Variants in METTL23 observed in about 807,000 individuals in gnomAD.
The protein encoded by METTL23 is methyltransferase 23, arginine, also known as histone-arginine methyltransferase METTL23.
In METTL23, 24 loss-of-function variants were observed where a neutral mutation model predicts 21.2. The ratio of observed to expected loss-of-function variants is 1.13; its 90% confidence interval spans 0.82 to 1.59. The LOEUF (loss-of-function observed/expected upper bound fraction) is 1.59, where lower values mean the gene tolerates loss of function less well. Among genes scored for constraint, METTL23 ranks in the 40% most tolerant of loss-of-function variants. The probability of loss-of-function intolerance (pLI) is 0.00; values close to 1 mark genes in which losing one functional copy is unlikely to be tolerated. For missense variants in METTL23, 276 were observed against 221.4 expected (o/e 1.25, Z -1.57); for synonymous variants, 97 against 75.2 (o/e 1.29, Z -1.50).
At position 76,726,988 on chromosome 17, in the gene METTL23, C is replaced by T. The variant is rs771264210; in HGVS notation, c.-212C>T. The T allele has an allele frequency of 1.9e-4, 85 of 456,468 alleles. No individual in the cohort carries two copies. The highest frequency in any genetic ancestry group is 1.3e-3 in the South Asian group (84 of 64,562). 28.3% of individuals were successfully genotyped at this position (456,468 alleles called of 1,614,324 possible). A position where few individuals can be genotyped will look rare whatever the true frequency, so the allele number is the denominator to read the frequency against. Reference sequence around the variant, plus strand: ...CCGTCAGGTGCTACGGCCACGTGGCCCGCGGCTTCCCGCTCGCGCAGTCTG... The same window carrying T: ...CCGTCAGGTGCTACGGCCACGTGGCTCGCGGCTTCCCGCTCGCGCAGTCTG... On this transcript the variant is annotated 5_prime_UTR_variant, in exon 1 of 5. Transcript: ENST00000341249.
chr17:76,732,312 C>G (rs997339560), intron 2 of METTL23, among the ~76,000 whole-genome samples: 10 of 152,106 alleles, frequency 6.6e-5, no homozygotes, highest in African/African-American at 2.2e-4. Flanking sequence ...CCAGCCTGAC[C>G]AACAGGGAGA....
Position 76,733,046 on chromosome 17 carries a change from C to T in METTL23, c.153C>T (p.Asp51=). The change falls in exon 3 of 5, where the codon GAC becomes GAT. Residue 51 remains aspartate (D), a synonymous_variant. Coordinates refer to ENST00000341249, the MANE Select transcript of METTL23 (RefSeq NM_001080510.5). ...AKCGAEVILS[D]SSELPHCLEV... The stretch of plus-strand genomic sequence containing the variant: ...GTGGTGCAGAAGTAATACTGTCAGA[C>T]AGCTCAGAACTGCCTCACTGTCTGG... 1 of 1,603,172 alleles carries T rather than the reference C, an allele frequency of 6.2e-7. No homozygotes were observed. Among genetic ancestry groups the T allele is most frequent in the Non-Finnish European group, 8.5e-7 (1 of 1,174,242 alleles).
At chr17:76,728,110 C>T (rs1418754967) in intron 1 of METTL23, among the ~76,000 whole-genome samples, 1 of 152,064 alleles carries the variant, frequency 6.6e-6, no homozygotes, top group Non-Finnish European at 1.5e-5. Context: ...GTGGCTTGTG[C>T]CTGTAGCCCC....
At chr17:76,730,391 C>T (rs1598404055) in intron 2 of METTL23, among the ~76,000 whole-genome samples, 1 of 151,948 alleles carries the variant, frequency 6.6e-6, no homozygotes, top group Non-Finnish European at 1.5e-5. Flanking sequence ...TGACTTGAGC[C>T]CAGGAGTTTG....
upstream of METTL23, chr17:76,726,350 C>T (rs1450634619): frequency 6.3e-6 from 10 of 1,582,588 alleles, no homozygotes; most frequent in South Asian, 1.1e-5. Flanking sequence ...CGCTCACCGC[C>T]ACGGCCGCCG....
In METTL23 at chr17:76,733,335, A is replaced by G. The variant is rs1350020670; in HGVS notation, c.365A>G (p.Lys122Arg). 2 of 1,614,018 alleles carry G rather than the reference A, an allele frequency of 1.2e-6. No homozygotes were observed. Among genetic ancestry groups the G allele is most frequent in the African/African-American group, 1.3e-5 (1 of 75,046 alleles). ...ILATIYFLMHKNPKVQLWSTY... is the reference protein window; with the variant it reads ...ILATIYFLMHRNPKVQLWSTY... The stretch of plus-strand genomic sequence containing the variant: ...GCTACAATATATTTTTTGATGCACA[A>G]GAATCCCAAGGTCCAATTGTGGTCT... The change falls in exon 4 of 5, where the codon AAG (lysine) becomes AGG (arginine). Residue 122 changes from lysine to arginine, a missense_variant. Transcript: ENST00000341249.
upstream of METTL23, chr17:76,726,472 T>A (rs1437518719): frequency 6.3e-7 from 1 of 1,598,620 alleles, no homozygotes; most frequent in Non-Finnish European, 8.5e-7. Context: ...CTCTTGTGGT[T>A]CATTCTGCGG....
In METTL23 at chr17:76,733,059, CCTCA is replaced by C. The variant is rs587777644; in HGVS notation, c.169_172del (p.His57ValfsTer11). On this transcript the variant is annotated frameshift_variant, in exon 3 of 5. Transcript: ENST00000341249. LOFTEE classifies it high-confidence loss of function. ...AATACTGTCAGACAGCTCAGAACTG[CCTCA>C]CTGTCTGGAAGTCTGTCGGCAAAGC... 151 of 1,606,446 alleles carry C rather than the reference CCTCA, an allele frequency of 9.4e-5. No homozygotes were observed. The highest frequency in any genetic ancestry group is 2.9e-4 in the African/African-American group (22 of 74,860).
At chr17:76,732,706 G>A in intron 2 of METTL23, 1 of 491,996 alleles carries the variant, frequency 2.0e-6, no homozygotes, top group South Asian at 2.3e-5. Flanking sequence ...CTACTTCTGT[G>A]TGCATAGCAA....
intron 1 of METTL23, 44 bp downstream of exon 1, chr17:76,727,222 C>T (rs1285186493): frequency 2.8e-6 from 1 of 360,604 alleles, no homozygotes; most frequent in East Asian, 7.6e-5. Flanking sequence ...AGGTCAGGAG[C>T]GGATGTCGGC....
rs1025412401 is a variant in METTL23, at chr17:76,733,796, C to T, written c.*110C>T. 1.0e-6 allele frequency: 1 copy of T among 955,742 alleles called. No individual in the cohort carries two copies. The highest frequency in any genetic ancestry group is 1.6e-5 in the African/African-American group (1 of 60,730). The allele number at this position is 955,742 out of a possible 1,614,324, so 59.2% of individuals were successfully genotyped here. On this transcript the variant is annotated 3_prime_UTR_variant, in exon 5 of 5. Coordinates refer to ENST00000341249, the MANE Select transcript of METTL23 (RefSeq NM_001080510.5). ...AGAATGCAGTGGGTCTGAAGATGGT[C>T]AAGTCTGTTTGCCTTAGATTTTGAT...
Position 76,727,183 on chromosome 17 carries a change from G to C in METTL23, c.-22+5G>C. On this transcript the variant is annotated splice_donor_5th_base_variant and intron_variant, in intron 1 of 4. Coordinates refer to ENST00000341249, the MANE Select transcript of METTL23 (RefSeq NM_001080510.5). ...CTGGAGGTCCACGTCCCGCAGGTGC[G>C]TGCAGCAGCACCCGCCAGGAGGCGC... The C allele has an allele frequency of 2.5e-6, 1 of 406,304 alleles. No homozygotes were observed. The highest frequency in any genetic ancestry group is 5.0e-6 in the Non-Finnish European group (1 of 201,102). 25.2% of individuals were successfully genotyped at this position (406,304 alleles called of 1,614,324 possible). A position where few individuals can be genotyped will look rare whatever the true frequency, so the allele number is the denominator to read the frequency against.
Position 76,726,885 on chromosome 17 carries a change from T to G in METTL23, c.-315T>G, listed in dbSNP as rs1295740729. ...CCGTTGCCAGTTCTGCGCGTGTGAG[T>G]CTCTTTCGCCTTGCTCCGGGCTTTC... On this transcript the variant is annotated 5_prime_UTR_variant, in exon 1 of 5. Coordinates refer to ENST00000341249, the MANE Select transcript of METTL23 (RefSeq NM_001080510.5). The G allele has an allele frequency of 2.3e-6, 1 of 444,122 alleles. No individual in the cohort carries two copies. The highest frequency in any genetic ancestry group is 1.6e-5 in the South Asian group (1 of 64,180). The allele number at this position is 444,122 out of a possible 1,614,324, so 27.5% of individuals were successfully genotyped here.
chr17:76,733,670 C>G lies in METTL23; in HGVS notation c.557C>G (p.Ala186Gly). 6.2e-7 allele frequency: 1 copy of G among 1,613,054 alleles called. No homozygotes were observed. The highest frequency in any genetic ancestry group is 8.5e-7 in the Non-Finnish European group (1 of 1,179,536). The part of the protein sequence containing the change: ...HTVEMLVISF[A>G]KDSL Reference sequence around the variant, plus strand: ...GTTGAAATGCTGGTCATTTCCTTTGCAAAGGACAGTCTCTGAATTATACCT... The same window carrying G: ...GTTGAAATGCTGGTCATTTCCTTTGGAAAGGACAGTCTCTGAATTATACCT... Residue 186 changes from alanine (A) to glycine (G), a missense_variant, in exon 5 of 5, where the codon GCA becomes GGA. Transcript: ENST00000341249.
intron 2 of METTL23, 188 bp from the exon 3 acceptor site, chr17:76,732,790 G>A (rs1220151998): frequency 3.3e-6 from 2 of 608,880 alleles, no homozygotes; most frequent in East Asian, 5.5e-5. Flanking sequence ...TAGCAGAGTA[G>A]ATTCATAAGG....
At chr17:76,733,416 A>T in intron 4 of METTL23, 39 bp downstream of exon 4, 2 of 1,606,824 alleles carry the variant, frequency 1.2e-6, no homozygotes, top group East Asian at 2.2e-5. Flanking sequence ...ATGTAACTTA[A>T]GCCTTACTCT....
At position 76,727,058 on chromosome 17, in the gene METTL23, C is replaced by A. The variant is rs759989544; in HGVS notation, c.-142C>A. ...GGTCCCCCGCCCGCCCGGGGCCCAACGACGCCCTACTGGGCGAGCACGATT... is the reference window on the plus strand; with the variant it reads ...GGTCCCCCGCCCGCCCGGGGCCCAAAGACGCCCTACTGGGCGAGCACGATT... On this transcript the variant is annotated 5_prime_UTR_variant, in exon 1 of 5. Coordinates refer to ENST00000341249, the MANE Select transcript of METTL23 (RefSeq NM_001080510.5). 2.2e-6 allele frequency: 1 copy of A among 454,890 alleles called. No homozygotes were observed. The highest frequency in any genetic ancestry group is 4.4e-6 in the Non-Finnish European group (1 of 226,232). The allele number at this position is 454,890 out of a possible 1,614,324, so 28.2% of individuals were successfully genotyped here.
upstream of METTL23, chr17:76,726,226 C>T (rs1413083372): frequency 1.3e-5 from 17 of 1,300,936 alleles, no homozygotes; most frequent in Non-Finnish European, 1.5e-5. Context: ...CCGCGGGGTG[C>T]GGGTGAGCCT....
Position 76,733,118 on chromosome 17 carries a change from G to C in METTL23, c.225G>C (p.Gln75His). 1 of 1,613,670 alleles carries C rather than the reference G, an allele frequency of 6.2e-7. No individual in the cohort carries two copies. Among genetic ancestry groups the C allele is most frequent in the African/African-American group, 1.3e-5 (1 of 75,054 alleles). ...AAATGAATAACCTGCCACATCTGCA[G>C]GTGGTAGGACTAACATGGGGTCATA... ...SCQMNNLPHL[Q>H]VVGLTWGHIS... Residue 75 changes from glutamine (Q) to histidine (H), a missense_variant, in exon 3 of 5, where the codon CAG (glutamine) becomes CAC (histidine). Physicochemically the swap from Gln to His is conservative, Grantham distance 24. Coordinates refer to ENST00000341249, the MANE Select transcript of METTL23 (RefSeq NM_001080510.5).
Sources: allele counts gnomAD v4.1 joint callset (sites outside exome capture counted in the v4.1 genomes callset), GRCh38; gene constraint gnomAD v4.1.1; transcripts MANE v1.5; gene names NCBI Gene and HGNC (gene_info 2026-07-23, HGNC 2026-07-21).